Variants in SOX5 observed in about 807,000 individuals in gnomAD.
SOX5 encodes the protein SRY-box transcription factor 5, also known as transcription factor SOX-5.
In SOX5, 9 loss-of-function variants were observed where a neutral mutation model predicts 92.0. The ratio of observed to expected loss-of-function variants is 0.10; its 90% CI spans 0.06 to 0.17. SOX5 has a LOEUF of 0.17. SOX5 is among the 10% of genes least tolerant of loss of function. SOX5 has a pLI of 1.00. For synonymous variants in SOX5, 344 were observed against 336.3 expected, an observed-to-expected ratio of 1.02 and a Z score of -0.25; for missense variants, 642 against 944.5, an observed-to-expected ratio of 0.68 and a Z score of 4.20.
At chr12:23,804,139 A>T (rs1488110045) in intron 3 of SOX5, among the ~76,000 whole-genome samples, 4 of 152,204 alleles carry the variant, frequency 2.6e-5, no homozygotes, top group Non-Finnish European at 5.9e-5. Context: ...GTAAATAAAC[A>T]AGCTTCTTAA....
chr12:24,329,541 C>T (rs972231146), intron 2 of SOX5, among the ~76,000 whole-genome samples: 4 of 152,100 alleles, frequency 2.6e-5, no homozygotes, highest in African/African-American at 9.7e-5. Context: ...GACACAAAGC[C>T]TAACCATATC....
At chr12:24,299,390 T>C (rs779129344) in intron 2 of SOX5, among the ~76,000 whole-genome samples, 6 of 152,166 alleles carry the variant, frequency 3.9e-5, no homozygotes, top group Non-Finnish European at 8.8e-5. Context: ...TATCTCTCAT[T>C]CTTGATATCC....
At chr12:24,490,213 T>C (rs1296890480) in intron 1 of SOX5, among the ~76,000 whole-genome samples, 3 of 152,256 alleles carry the variant, frequency 2.0e-5, no homozygotes, top group Non-Finnish European at 2.9e-5. Context: ...TCTGTCATTA[T>C]GCAGAGCAAG....
At chr12:23,603,352 A>G (rs1436138815) in intron 9 of SOX5, among the ~76,000 whole-genome samples, 4 of 150,494 alleles carry the variant, frequency 2.7e-5, no homozygotes, top group Non-Finnish European at 4.4e-5. Flanking sequence ...CTATTCTTAC[A>G]CTGTTTTGTT....
At chr12:23,917,915 A>G (rs1327343752) in intron 1 of SOX5, among the ~76,000 whole-genome samples, 4 of 152,212 alleles carry the variant, frequency 2.6e-5, no homozygotes, top group Non-Finnish European at 1.5e-5. Flanking sequence ...AAGTTTCAAG[A>G]CAGTCCATCA....
At chr12:24,126,765 G>T (rs994837716) in intron 4 of SOX5, among the ~76,000 whole-genome samples, 1 of 151,976 alleles carries the variant, frequency 6.6e-6, no homozygotes, top group Non-Finnish European at 1.5e-5. Context: ...CTTGTCACTG[G>T]GCATGTTTGG....
In SOX5 at chr12:24,450,114, T is replaced by G. The variant is rs75283591; in HGVS notation, c.-250-81475A>C. On this transcript the variant is annotated intron_variant, in intron 1 of 4. Coordinates refer to the SOX5 transcript ENST00000446891. ...ATTATAAATAGGAATTTCCCAAAAT[T>G]TGTTCCTTAGAACAGGACTTGAGAT... Among the ~76,000 whole-genome samples, 10 of 152,332 alleles carry G rather than the reference T, an allele frequency of 6.6e-5. No homozygotes were observed. In the East Asian group the frequency reaches 1.9e-3, roughly 29 times the overall value.
chr12:24,125,383 T>A (rs2138395619), intron 4 of SOX5, among the ~76,000 whole-genome samples: 1 of 152,306 alleles, frequency 6.6e-6, no homozygotes, highest in East Asian at 1.9e-4. Context: ...TTCCTTTTCA[T>A]TAGAAATAGC....
chr12:23,707,163 T>TGCCTTGCCTTGC (rs2091486891), intron 6 of SOX5, among the ~76,000 whole-genome samples: 1 of 152,168 alleles, frequency 6.6e-6, no homozygotes, highest in African/African-American at 2.4e-5. Context: ...GGTATGGCTG[T>TGCCTTGCCTTGC]AGTCACCTTG....
intron 3 of SOX5, among the ~76,000 whole-genome samples, chr12:23,801,283 A>AGAAGAGAAAGAAAAGGAGCC (rs1283503306): frequency 6.6e-6 from 1 of 152,058 alleles, no homozygotes; most frequent in African/African-American, 2.4e-5. Flanking sequence ...GGGGACCAAT[A>AGAAGAGAAAGAAAAGGAGCC]GAAGAGAAAG....
At chr12:23,865,229 C>T (rs997736903) in intron 2 of SOX5, among the ~76,000 whole-genome samples, 7 of 152,310 alleles carry the variant, frequency 4.6e-5, no homozygotes, top group Admixed American at 2.0e-4. Flanking sequence ...TTTAAAAATA[C>T]TACTGCTCAT....
In SOX5 at chr12:24,266,321, C is replaced by G. The variant is rs145052777; in HGVS notation, c.-77+10895G>C. Among the ~76,000 whole-genome samples, 233 of 152,098 alleles carry G rather than the reference C, an allele frequency of 1.5e-3. 1 individual carries two copies. The highest frequency in any genetic ancestry group is 2.1e-3 in the Non-Finnish European group (144 of 67,990). On this transcript the variant is annotated intron_variant, in intron 3 of 4. Coordinates refer to the SOX5 transcript ENST00000446891. ...ATGTATAACTAAATATAAATATATA[C>G]CGACATACACGCACATATGATAATA...
intron 1 of SOX5, among the ~76,000 whole-genome samples, chr12:23,929,762 GAAC>G (rs1940978464): frequency 6.6e-6 from 1 of 151,824 alleles, no homozygotes; most frequent in African/African-American, 2.4e-5. Context: ...ACAATTTTTA[GAAC>G]TACTACTTTT....
At chr12:24,206,769 GTGTGCCAACTACCCAGCA>G in intron 4 of SOX5, among the ~76,000 whole-genome samples, 1 of 152,178 alleles carries the variant, frequency 6.6e-6, no homozygotes, top group South Asian at 2.1e-4. Flanking sequence ...CTGTGCAACT[GTGTGCCAACTACCCAGCA>G]GAAGGTCACA....
At chr12:24,298,604 T>C (rs970373951) in intron 2 of SOX5, among the ~76,000 whole-genome samples, 2 of 152,150 alleles carry the variant, frequency 1.3e-5, no homozygotes, top group Non-Finnish European at 2.9e-5. Context: ...ACAGTGTTAA[T>C]ATGTACTAAT....
intron 1 of SOX5, among the ~76,000 whole-genome samples, chr12:24,377,543 A>G (rs1010620142): frequency 6.6e-6 from 1 of 152,258 alleles, no homozygotes. Flanking sequence ...ATTGGAAGAC[A>G]TAATCATGTG....
chr12:23,668,364 T>C (rs894241371), intron 6 of SOX5, among the ~76,000 whole-genome samples: 1 of 152,204 alleles, frequency 6.6e-6, no homozygotes, highest in African/African-American at 2.4e-5. Context: ...TCAGTGTTCA[T>C]AGCAACTTTA....
At chr12:23,821,579 T>C (rs1214237048) in intron 3 of SOX5, among the ~76,000 whole-genome samples, 1 of 151,522 alleles carries the variant, frequency 6.6e-6, no homozygotes, top group Non-Finnish European at 1.5e-5. Context: ...AGCTAGTTTA[T>C]TGAGTGTTTT....
intron 4 of SOX5, among the ~76,000 whole-genome samples, chr12:24,105,564 A>C (rs139678899): frequency 9.8e-4 from 149 of 151,980 alleles, no homozygotes; most frequent in Middle Eastern, 3.4e-3. Context: ...ATCAATCAAT[A>C]AACAAACAAA....
Sources: gnomAD v4.1 joint callset for allele counts (sites outside exome capture counted in the v4.1 genomes callset) on GRCh38, gnomAD v4.1.1 for gene constraint, MANE v1.5 for transcripts, NCBI Gene and HGNC (gene_info 2026-07-23, HGNC 2026-07-21) for gene names.